Variants in STARD13 observed in about 807,000 individuals in gnomAD.
The protein encoded by STARD13 is StAR related lipid transfer domain containing 13, also known as stAR-related lipid transfer protein 13.
A neutral mutation model predicts 106.4 loss-of-function variants in STARD13; 62 were observed. The ratio of observed to expected loss-of-function variants is 0.58; its 90% CI spans 0.48 to 0.72. STARD13 has a LOEUF of 0.72. Among genes scored for constraint, STARD13 ranks in the 30% least tolerant of loss-of-function variants. The pLI, the probability that STARD13 is intolerant of heterozygous loss-of-function variation, is 0.00. For synonymous variants in STARD13, 565 were observed against 553.0 expected, an observed-to-expected ratio of 1.02 and a Z score of -0.31; for missense variants, 1,387 against 1,424.0, an observed-to-expected ratio of 0.97 and a Z score of 0.42.
chr13:33,315,218 A>G (rs1374035274), intron 1 of STARD13, among the ~76,000 whole-genome samples: 3 of 152,214 alleles, frequency 2.0e-5, no homozygotes, highest in African/African-American at 4.8e-5. Context: ...GTGAAGTAAA[A>G]ACTATAGAAA....
the STARD13 span, among the ~76,000 whole-genome samples, chr13:33,361,239 A>G: frequency 6.6e-6 from 1 of 151,650 alleles, no homozygotes; most frequent in Non-Finnish European, 1.5e-5. Context: ...ACTCAATGTG[A>G]AGACAATGAG....
chr13:33,118,061 T>C lies in STARD13; in HGVS notation c.2281+4A>G, dbSNP rs1381063072. 6.2e-7 allele frequency: 1 copy of C among 1,614,068 alleles called. No individual in the cohort carries two copies. The highest frequency in any genetic ancestry group is 1.3e-5 in the African/African-American group (1 of 74,930). On this transcript the variant is annotated splice_donor_region_variant and intron_variant, in intron 8 of 13. Coordinates refer to ENST00000336934, the MANE Select transcript of STARD13 (RefSeq NM_178006.4). ...AGAACACCAATCTCATTATTTCCAC[T>C]TACACTGATAGATATGGAGAAAGGT...
the STARD13 span, among the ~76,000 whole-genome samples, chr13:33,438,052 T>C: frequency 6.6e-6 from 1 of 152,246 alleles, no homozygotes; most frequent in Non-Finnish European, 1.5e-5. Context: ...AGATGTAATT[T>C]GTTAGAAAAG....
the STARD13 span, among the ~76,000 whole-genome samples, chr13:33,449,744 ACTTT>A: frequency 2.0e-5 from 3 of 152,158 alleles, no homozygotes; most frequent in African/African-American, 7.2e-5. Flanking sequence ...ACACAGGATA[ACTTT>A]CTATTTTTTG....
Position 33,129,957 on chromosome 13 carries a change from G to A in STARD13, c.720C>T (p.Leu240=). 2 of 1,613,530 alleles carry A rather than the reference G, an allele frequency of 1.2e-6. No individual in the cohort carries two copies. Among genetic ancestry groups the A allele is most frequent in the Non-Finnish European group, 1.7e-6 (2 of 1,179,966 alleles). ...CATTCTTGGGGTGGAAGGGGTGGTT[G>A]AGGACATCTCTGGGGGGCTGTGGGA... is the stretch of plus-strand genomic sequence containing the variant. The part of the protein sequence containing the change: ...SSLPQPPRDV[L]NHPFHPKNEK... Residue 240 remains leucine, a synonymous_variant, in exon 5 of 14, where the codon CTC becomes CTT. Coordinates refer to ENST00000336934, the MANE Select transcript of STARD13 (RefSeq NM_178006.4).
chr13:33,227,351 A>C (rs934421217), intron 1 of STARD13, among the ~76,000 whole-genome samples: 8 of 152,260 alleles, frequency 5.3e-5, no homozygotes, highest in African/African-American at 1.7e-4. Flanking sequence ...GGATTTAAAC[A>C]GATACCTAAT....
At chr13:33,317,781 C>T (rs77181793) in intron 1 of STARD13, among the ~76,000 whole-genome samples, 1,732 of 152,252 alleles carry the variant, frequency 0.011, 44 homozygotes, top group African/African-American at 0.04. Flanking sequence ...TATGAGAGCA[C>T]GGACTTTGTC....
the STARD13 span, among the ~76,000 whole-genome samples, chr13:33,562,990 CT>C: frequency 1.4e-5 from 2 of 146,366 alleles, 1 homozygote; most frequent in East Asian, 4.0e-4. Flanking sequence ...AGATTTGTTG[CT>C]TTTGGCCACA....
chr13:33,389,028 T>C, the STARD13 span, among the ~76,000 whole-genome samples: 5 of 150,716 alleles, frequency 3.3e-5, no homozygotes, highest in Non-Finnish European at 5.9e-5. Context: ...CAACCTTGGC[T>C]CACTGCAACC....
chr13:33,484,618 C>G, the STARD13 span, among the ~76,000 whole-genome samples: 1 of 152,086 alleles, frequency 6.6e-6, no homozygotes. Flanking sequence ...TTTAAAAAAC[C>G]CTCACTTCCA....
intron 1 of STARD13, among the ~76,000 whole-genome samples, chr13:33,247,089 T>A (rs988506601): frequency 3.3e-5 from 5 of 151,926 alleles, no homozygotes; most frequent in Admixed American, 2.6e-4. Flanking sequence ...CCTAGCTACT[T>A]GGGAGGCTGA....
At chr13:33,666,941 T>A in the STARD13 span, among the ~76,000 whole-genome samples, 1 of 152,178 alleles carries the variant, frequency 6.6e-6, no homozygotes, top group Non-Finnish European at 1.5e-5. Flanking sequence ...GATGAATAGA[T>A]GGATAAATTT....
chr13:33,199,975 G>C (rs188884374), intron 1 of STARD13, among the ~76,000 whole-genome samples: 1 of 152,350 alleles, frequency 6.6e-6, no homozygotes, highest in Non-Finnish European at 1.5e-5. Flanking sequence ...TTGGGGAGTA[G>C]AGAACCAATA....
At chr13:33,232,698 T>C (rs1467681149) in intron 1 of STARD13, among the ~76,000 whole-genome samples, 1 of 152,252 alleles carries the variant, frequency 6.6e-6, no homozygotes, top group South Asian at 2.1e-4. Flanking sequence ...AACATAGAAA[T>C]TGACCCTCTG....
chr13:33,230,827 G>A lies in STARD13; in HGVS notation c.169+54643C>T, dbSNP rs368788761. 2.3e-4 allele frequency among the ~76,000 whole-genome samples: 35 copies of A among 152,362 alleles called. 1 individual carries two copies. The East Asian group carries it at 6.2e-3, about 27-fold the overall frequency. On this transcript the variant is annotated intron_variant, in intron 1 of 13. Transcript: ENST00000336934. ...CCCCTGATGTGCAAAGTGCCAGCGA[G>A]GCACTGAGGAGGATGGAAGAACCAT...
intron 4 of STARD13, among the ~76,000 whole-genome samples, chr13:33,142,100 C>A (rs2138232817): frequency 2.0e-5 from 3 of 152,282 alleles, no homozygotes; most frequent in Admixed American, 2.0e-4. Flanking sequence ...ATGATCATGG[C>A]TCACTGCAGC....
At chr13:33,501,917 G>T in the STARD13 span, among the ~76,000 whole-genome samples, 2 of 152,112 alleles carry the variant, frequency 1.3e-5, no homozygotes, top group African/African-American at 4.8e-5. Flanking sequence ...ATTCTGTGAA[G>T]AAAGTCATTG....
chr13:33,503,996 A>G, the STARD13 span, among the ~76,000 whole-genome samples: 2 of 152,236 alleles, frequency 1.3e-5, no homozygotes, highest in Admixed American at 1.3e-4. Flanking sequence ...CAACAGACAC[A>G]TGAAAAAATG....
chr13:33,603,832 T>C, the STARD13 span, among the ~76,000 whole-genome samples: 1 of 152,068 alleles, frequency 6.6e-6, no homozygotes, highest in East Asian at 1.9e-4. Flanking sequence ...ACAAACCCCA[T>C]TTAAAAAACT....
Sources: gnomAD v4.1 joint callset for allele counts (sites outside exome capture counted in the v4.1 genomes callset) on GRCh38, gnomAD v4.1.1 for gene constraint, MANE v1.5 for transcripts, NCBI Gene and HGNC (gene_info 2026-07-23, HGNC 2026-07-21) for gene names.